Variants in MMAB observed in about 807,000 individuals in gnomAD.
MMAB encodes the protein metabolism of cobalamin associated B.
A neutral mutation model predicts 30.6 loss-of-function variants in MMAB; 17 were observed. The observed-to-expected ratio is 0.56, with a 90% CI of 0.38 to 0.83. The LOEUF is 0.83. MMAB is among the 40% of genes least tolerant of loss of function. MMAB has a pLI of 0.00. For synonymous variants in MMAB, 134 were observed against 138.6 expected, an observed-to-expected ratio of 0.97 and a Z score of 0.23; for missense variants, 311 against 331.6, an observed-to-expected ratio of 0.94 and a Z score of 0.48.
chr12:109,572,121 T>C (rs2136211476), intron 1 of MMAB, among the ~76,000 whole-genome samples: 1 of 152,288 alleles, frequency 6.6e-6, no homozygotes, highest in East Asian at 1.9e-4. Flanking sequence ...AGGAGGAAAC[T>C]ATGGCTCAGA....
chr12:109,555,871 G>C lies in MMAB; in HGVS notation c.*1157C>G, dbSNP rs1014288006. 11 of 454,004 alleles carry C rather than the reference G, an allele frequency of 2.4e-5. No individual in the cohort carries two copies. Among genetic ancestry groups the C allele is most frequent in the Non-Finnish European group, 4.0e-5 (9 of 226,800 alleles). The allele number at this position is 454,004 out of a possible 1,614,324, so 28.1% of individuals were successfully genotyped here. A position where few individuals can be genotyped will look rare whatever the true frequency, so the allele number is the denominator to read the frequency against. On this transcript the variant is annotated 3_prime_UTR_variant, in exon 9 of 9. Coordinates refer to ENST00000545712, the MANE Select transcript of MMAB (RefSeq NM_052845.4). ...TGTTTGCTGACTTGCCAGCAAGAAA[G>C]ATGGCCGGAAAGACCAGCTGTCCCG...
Position 109,568,867 on chromosome 12 carries a change from T to C in MMAB, c.197-4A>G. Reference sequence around the variant, plus strand: ...CCTGTGAAGGTACTAGAAAACCCTGTGGAAAAAAATGTTTAGCCACCCAAA... The same window carrying C: ...CCTGTGAAGGTACTAGAAAACCCTGCGGAAAAAAATGTTTAGCCACCCAAA... On this transcript the variant is annotated splice_polypyrimidine_tract_variant and splice_region_variant and intron_variant, in intron 2 of 8. Coordinates refer to ENST00000545712, the MANE Select transcript of MMAB (RefSeq NM_052845.4). 1 of 1,609,348 alleles carries C rather than the reference T, an allele frequency of 6.2e-7. No individual in the cohort carries two copies. Among genetic ancestry groups the C allele is most frequent in the Non-Finnish European group, 8.5e-7 (1 of 1,175,806 alleles).
chr12:109,567,032 A>G (rs896005316), intron 3 of MMAB: 17 of 455,966 alleles, frequency 3.7e-5, no homozygotes, highest in Admixed American at 2.1e-4. Flanking sequence ...CGCCATGGAG[A>G]AATGGTAGCC....
chr12:109,565,170 A>G lies in MMAB; in HGVS notation c.297T>C (p.Ala99=), dbSNP rs2136203950. The change falls in exon 4 of 9, where the codon GCT becomes GCC. Residue 99 remains alanine (A), a synonymous_variant. Transcript: ENST00000545712. ...TDELSSAIGF[A]LELVTEKGHT... ...GGCCCTTTTCTGTGACTAATTCCAGAGCAAACCTATGAAGAAAAAGGAAAA... is the reference window on the plus strand; with the variant it reads ...GGCCCTTTTCTGTGACTAATTCCAGGGCAAACCTATGAAGAAAAAGGAAAA... The G allele has an allele frequency of 6.2e-7, 1 of 1,613,766 alleles. No individual in the cohort carries two copies. The highest frequency in any genetic ancestry group is 8.5e-7 in the Non-Finnish European group (1 of 1,179,710).
chr12:109,573,265 T>G, intron 1 of MMAB, 82 bp downstream of exon 1: 1 of 1,582,312 alleles, frequency 6.3e-7, no homozygotes, highest in Non-Finnish European at 8.7e-7. Context: ...CGCGGTGACC[T>G]CACGGCGGTG....
At chr12:109,560,278 T>G (rs964581571) in intron 7 of MMAB, among the ~76,000 whole-genome samples, 3 of 152,104 alleles carry the variant, frequency 2.0e-5, no homozygotes, top group Admixed American at 2.0e-4. Context: ...CTATCAACCA[T>G]GTGGGGGACC....
intron 1 of MMAB, among the ~76,000 whole-genome samples, chr12:109,572,004 T>C (rs1180777771): frequency 6.6e-6 from 1 of 152,202 alleles, no homozygotes; most frequent in Non-Finnish European, 1.5e-5. Flanking sequence ...CCTTTGCCAT[T>C]GTCCCTGCAC....
intron 3 of MMAB, among the ~76,000 whole-genome samples, chr12:109,567,581 G>A (rs927482756): frequency 5.9e-5 from 9 of 152,126 alleles, no homozygotes; most frequent in Admixed American, 2.6e-4. Context: ...GCATGTGCAC[G>A]TGACAGGCTC....
chr12:109,557,740 C>T (rs1448340874), intron 8 of MMAB, among the ~76,000 whole-genome samples: 1 of 152,218 alleles, frequency 6.6e-6, no homozygotes, highest in Non-Finnish European at 1.5e-5. Flanking sequence ...CAGTGGCACC[C>T]CTGCACCCAG....
At chr12:109,573,216 T>C in intron 1 of MMAB, 131 bp downstream of exon 1, 3 of 1,261,874 alleles carry the variant, frequency 2.4e-6, no homozygotes, top group Non-Finnish European at 3.4e-6. Context: ...GTTGCCATGG[T>C]GACGTCAGAA....
Position 109,568,817 on chromosome 12 carries a change from T to C in MMAB, c.243A>G (p.Gln81=), listed in dbSNP as rs1473011297. Residue 81 remains glutamine (Q), a synonymous_variant, in exon 3 of 9, where the codon CAA becomes CAG. Transcript: ENST00000545712. The stretch of plus-strand genomic sequence containing the variant: ...CTGTAGTTCCCACGGCTTCAAACAC[T>C]TGGTCATCTTTGGGTCTCCTTTCTC... The part of the protein sequence containing the change: ...FTGERRPKDD[Q]VFEAVGTTDE... 1.9e-6 allele frequency: 3 copies of C among 1,614,166 alleles called. No homozygotes were observed. The East Asian group carries it at 6.7e-5, about 36-fold the overall frequency.
intron 7 of MMAB, among the ~76,000 whole-genome samples, chr12:109,560,528 G>C (rs1021959287): frequency 3.3e-5 from 5 of 152,180 alleles, no homozygotes; most frequent in Non-Finnish European, 5.9e-5. Context: ...CCTTGAAAAG[G>C]CTGTCAGTAG....
chr12:109,565,019 GC>G, intron 4 of MMAB, 99 bp downstream of exon 4: 2 of 917,994 alleles, frequency 2.2e-6, no homozygotes, highest in East Asian at 4.8e-5. Flanking sequence ...AGAGTAACTA[GC>G]CCCAGGTGAC....
At chr12:109,564,379 G>GTTT (rs869192707) in intron 4 of MMAB, among the ~76,000 whole-genome samples, 22 of 126,752 alleles carry the variant, frequency 1.7e-4, no homozygotes, top group South Asian at 2.6e-4. Context: ...GGAGACAGAG[G>GTTT]TTTTTTTTTT....
intron 3 of MMAB, among the ~76,000 whole-genome samples, chr12:109,567,480 G>T (rs1884476015): frequency 6.6e-6 from 1 of 152,126 alleles, no homozygotes; most frequent in African/African-American, 2.4e-5. Context: ...GACTGTTGCT[G>T]CTCCCCCTGT....
chr12:109,561,654 G>C lies in MMAB; in HGVS notation c.421+126C>G, dbSNP rs1304501330. The C allele has an allele frequency of 8.3e-7, 1 of 1,208,770 alleles. No homozygotes were observed. The highest frequency in any genetic ancestry group is 1.5e-5 in the African/African-American group (1 of 66,398). 74.9% of individuals were successfully genotyped at this position (1,208,770 alleles called of 1,614,324 possible). On this transcript the variant is annotated intron_variant, in intron 5 of 8. Coordinates refer to ENST00000545712, the MANE Select transcript of MMAB (RefSeq NM_052845.4). The surrounding 1 kb of genome is among the most constrained non-coding windows in gnomAD (Gnocchi z 5.3). ...GGCTCAGAAGGTACCTTCCCTCCCA[G>C]GAGCTACGAGCAAGGCTAACTGACC...
intron 3 of MMAB, chr12:109,566,942 G>GT: frequency 2.2e-6 from 1 of 455,658 alleles, no homozygotes; most frequent in Admixed American, 2.3e-5. Flanking sequence ...ACACCAAGGG[G>GT]TTTGTTTGCC....
chr12:109,559,468 G>A (rs1261223167), intron 7 of MMAB, among the ~76,000 whole-genome samples: 1 of 152,236 alleles, frequency 6.6e-6, no homozygotes, highest in African/African-American at 2.4e-5. Context: ...GGTCTGGGTG[G>A]GGTGAAGTTG....
In MMAB at chr12:109,561,752, T is replaced by G; in HGVS notation, c.421+28A>C. 1 of 1,588,730 alleles carries G rather than the reference T, an allele frequency of 6.3e-7. No homozygotes were observed. Among genetic ancestry groups the G allele is most frequent in the East Asian group, 2.3e-5 (1 of 43,820 alleles). ...AGAGTCCCCTGACCCTAGGGCCCTC[T>G]GAACACCCACAGGAGTTTGAGAATT... On this transcript the variant is annotated intron_variant, in intron 5 of 8. Transcript: ENST00000545712. The surrounding 1 kb of genome is among the most constrained non-coding windows in gnomAD (Gnocchi z 5.3).
Sources: allele counts gnomAD v4.1 joint callset (sites outside exome capture counted in the v4.1 genomes callset), GRCh38; gene constraint gnomAD v4.1.1; non-coding constraint Gnocchi (gnomAD v3.1); transcripts MANE v1.5; gene names NCBI Gene and HGNC (gene_info 2026-07-23, HGNC 2026-07-21).